Variants in CNTN4 observed in about 807,000 individuals in gnomAD.
CNTN4 encodes contactin-4.
In CNTN4, 77 loss-of-function variants were observed where a neutral mutation model predicts 122.5. The observed-to-expected ratio is 0.63, with a 90% CI of 0.52 to 0.76. The LOEUF (loss-of-function observed/expected upper bound fraction) is 0.76. Ranked by LOEUF, CNTN4 falls within the 30% of genes least tolerant of loss-of-function variation. The pLI is 0.00. For missense variants in CNTN4, 1,256 were observed against 1,259.1 expected (o/e 1.00, Z 0.04); for synonymous variants, 512 against 447.0 (o/e 1.15, Z -1.83).
intron 12 of CNTN4, among the ~76,000 whole-genome samples, chr3:2,919,367 A>C (rs2094404217): frequency 6.6e-6 from 1 of 151,550 alleles, no homozygotes; most frequent in East Asian, 1.9e-4. Flanking sequence ...AAAAAAAAAA[A>C]AAAAAAAAAA....
At chr3:2,866,481 CT>C in intron 7 of CNTN4, 1 of 1,291,466 alleles carries the variant, frequency 7.7e-7, no homozygotes, top group East Asian at 3.7e-5. Flanking sequence ...ACTATAAATG[CT>C]TAGCCCTTGA....
In CNTN4 at chr3:3,057,199, TATATA is replaced by T. The variant is rs1173431687; in HGVS notation, c.*984_*988del. On this transcript the variant is annotated 3_prime_UTR_variant, in exon 25 of 25. Coordinates refer to ENST00000418658, the MANE Select transcript of CNTN4 (RefSeq NM_175607.3). ...CGTAATTTCTTTACAAAATTTCTTA[TATATA>T]ATATGTGTATCTCTGTAATAATAGA... 6.6e-6 allele frequency: 1 copy of T among 152,578 alleles called. No homozygotes were observed. Among genetic ancestry groups the T allele is most frequent in the African/African-American group, 2.4e-5 (1 of 41,468 alleles). 9.5% of individuals were successfully genotyped at this position (152,578 alleles called of 1,614,324 possible). A position where few individuals can be genotyped will look rare whatever the true frequency, so the allele number is the denominator to read the frequency against.
chr3:2,930,233 G>A (rs527401762), intron 13 of CNTN4, among the ~76,000 whole-genome samples: 1 of 152,088 alleles, frequency 6.6e-6, no homozygotes, highest in Admixed American at 6.5e-5. Flanking sequence ...CACTGTTTTG[G>A]TCATTTCCAA....
intron 7 of CNTN4, among the ~76,000 whole-genome samples, chr3:2,825,714 A>G (rs1220856576): frequency 6.6e-6 from 1 of 152,140 alleles, no homozygotes; most frequent in Non-Finnish European, 1.5e-5. Context: ...GACAAAACCC[A>G]GAAGTAGCAT....
chr3:2,331,194 C>T (rs1270913037), intron 2 of CNTN4, among the ~76,000 whole-genome samples: 2 of 152,168 alleles, frequency 1.3e-5, no homozygotes, highest in African/African-American at 2.4e-5. Flanking sequence ...ATTGAAGGGG[C>T]TAAAATGCCT....
chr3:2,887,922 T>C lies in CNTN4; in HGVS notation c.940+698T>C, dbSNP rs996465240. Among the ~76,000 whole-genome samples the C allele has an allele frequency of 3.3e-5, 5 of 152,326 alleles. No individual in the cohort carries two copies. In the East Asian group the frequency reaches 7.7e-4, roughly 24 times the overall value. The stretch of plus-strand genomic sequence containing the variant: ...TTGGATAGGCATTTTGAAAGCAAAC[T>C]GAGTTCTGCCAAATTGGAGCATGCC... On this transcript the variant is annotated intron_variant, in intron 10 of 24. Coordinates refer to ENST00000418658, the MANE Select transcript of CNTN4 (RefSeq NM_175607.3).
chr3:2,277,803 T>G (rs1176576896), intron 2 of CNTN4, among the ~76,000 whole-genome samples: 1 of 152,242 alleles, frequency 6.6e-6, no homozygotes, highest in Non-Finnish European at 1.5e-5. Flanking sequence ...GCTTACTTCC[T>G]TCTTGTTTGG....
intron 4 of CNTN4, among the ~76,000 whole-genome samples, chr3:2,672,298 C>G (rs1198163500): frequency 1.3e-5 from 2 of 152,208 alleles, no homozygotes; most frequent in Admixed American, 1.3e-4. Flanking sequence ...TTTACCTACT[C>G]AAGCCTCAGC....
chr3:3,020,213 A>T (rs1698163036), intron 14 of CNTN4, among the ~76,000 whole-genome samples: 1 of 152,152 alleles, frequency 6.6e-6, no homozygotes, highest in Admixed American at 6.5e-5. Flanking sequence ...CCACAGGGCC[A>T]CTCACAGATT....
chr3:2,394,028 A>T (rs940523653), intron 3 of CNTN4, among the ~76,000 whole-genome samples: 5 of 152,202 alleles, frequency 3.3e-5, no homozygotes, highest in Admixed American at 3.3e-4. Context: ...TAAGAAAAGT[A>T]AGACTCCAAT....
chr3:2,584,176 C>T (rs1440469223), intron 4 of CNTN4, among the ~76,000 whole-genome samples: 1 of 152,186 alleles, frequency 6.6e-6, no homozygotes, highest in Non-Finnish European at 1.5e-5. Context: ...GGCCTCCTCT[C>T]TTTATCGCTG....
intron 5 of CNTN4, among the ~76,000 whole-genome samples, chr3:2,742,780 T>A (rs2089531028): frequency 6.6e-6 from 1 of 152,086 alleles, no homozygotes. Flanking sequence ...TTACCAACAC[T>A]TAAAAGATTC....
chr3:2,614,687 C>T (rs1400153184), intron 4 of CNTN4, among the ~76,000 whole-genome samples: 4 of 151,984 alleles, frequency 2.6e-5, no homozygotes, highest in Non-Finnish European at 5.9e-5. Context: ...AGCAGGTTCA[C>T]TGAGGAGAGA....
chr3:2,745,776 T>C, intron 6 of CNTN4, 79 bp downstream of exon 6: 2 of 1,283,012 alleles, frequency 1.6e-6, no homozygotes, highest in Non-Finnish European at 2.3e-6. Context: ...TATAGCAGTT[T>C]CATTTTAGAG....
chr3:2,277,875 G>T (rs1173115818), intron 2 of CNTN4, among the ~76,000 whole-genome samples: 1 of 152,056 alleles, frequency 6.6e-6, no homozygotes, highest in Non-Finnish European at 1.5e-5. Flanking sequence ...CTTCTTCCTT[G>T]CATGGCTGAC....
intron 12 of CNTN4, among the ~76,000 whole-genome samples, chr3:2,917,238 C>A (rs1042036035): frequency 3.2e-4 from 49 of 151,760 alleles, no homozygotes; most frequent in African/African-American, 1.1e-3. Flanking sequence ...CGCAGTGAGC[C>A]GAGATGGCAG....
rs113142326 is a variant in CNTN4, at chr3:2,735,141, T to G, written c.56-1074T>G. Among the ~76,000 whole-genome samples the G allele has an allele frequency of 3.2e-3, 492 of 152,286 alleles. 4 individuals are homozygous for G. Among genetic ancestry groups the G allele is most frequent in the African/African-American group, 0.011 (471 of 41,544 alleles). On this transcript the variant is annotated intron_variant, in intron 4 of 24. Coordinates refer to ENST00000418658, the MANE Select transcript of CNTN4 (RefSeq NM_175607.3). ...AAGGGAAAATAAAGTGTACTCTATG[T>G]TAGGTGCACTTAGTAGAAAAAGATA...
intron 7 of CNTN4, among the ~76,000 whole-genome samples, chr3:2,855,204 G>A (rs1000604816): frequency 6.6e-6 from 1 of 152,182 alleles, no homozygotes; most frequent in African/African-American, 2.4e-5. Flanking sequence ...ACATCAGTCA[G>A]GGTAATCACT....
intron 2 of CNTN4, among the ~76,000 whole-genome samples, chr3:2,167,562 T>G (rs754657645): frequency 6.6e-6 from 1 of 152,158 alleles, no homozygotes; most frequent in East Asian, 1.9e-4. Flanking sequence ...GAAATTTTAA[T>G]ACATCTCTCA....
Sources: allele counts gnomAD v4.1 joint callset (sites outside exome capture counted in the v4.1 genomes callset), GRCh38; gene constraint gnomAD v4.1.1; transcripts MANE v1.5; gene names NCBI Gene and HGNC (gene_info 2026-07-23, HGNC 2026-07-21).